CDH10: variants seen among roughly 807,000 people sequenced by gnomAD.
The protein encoded by CDH10 is cadherin 10.
A neutral mutation model predicts 73.1 loss-of-function variants in CDH10; 30 were observed. The ratio of observed to expected loss-of-function variants is 0.41; its 90% CI spans 0.31 to 0.56. CDH10 has a LOEUF of 0.56. CDH10 is among the 20% of genes least tolerant of loss of function. The pLI is 0.27. For synonymous variants in CDH10, 345 were observed against 348.2 expected (o/e 0.99, Z 0.10); for missense variants, 815 against 973.7 (o/e 0.84, Z 2.17).
intron 1 of CDH10, among the ~76,000 whole-genome samples, chr5:24,642,816 C>T (rs1007681063): frequency 1.3e-5 from 2 of 150,890 alleles, no homozygotes; most frequent in East Asian, 3.9e-4. Context: ...TGTTTTTTTT[C>T]CCCCAAACCT....
At chr5:24,524,501 T>C (rs1277717563) in intron 5 of CDH10, among the ~76,000 whole-genome samples, 1 of 152,098 alleles carries the variant, frequency 6.6e-6, no homozygotes, top group African/African-American at 2.4e-5. Context: ...CCTTATTTTT[T>C]TATCTTACAG....
At chr5:24,488,255 ACAGCTTAGACTTT>A in intron 11 of CDH10, 102 bp from the exon 12 acceptor site, 2 of 964,542 alleles carry the variant, frequency 2.1e-6, no homozygotes, top group Admixed American at 5.6e-5. Flanking sequence ...GCTTTCTATA[ACAGCTTAGACTTT>A]CAGATTAATT....
At chr5:24,612,674 G>T (rs1018250962) in intron 1 of CDH10, 1 of 152,116 alleles carries the variant, frequency 6.6e-6, no homozygotes, top group African/African-American at 2.4e-5. Flanking sequence ...AGTCAACTGA[G>T]AAAAGCTCTC....
chr5:24,586,839 T>C (rs1042807426), intron 2 of CDH10, among the ~76,000 whole-genome samples: 3 of 134,840 alleles, frequency 2.2e-5, no homozygotes, highest in African/African-American at 9.4e-5. Flanking sequence ...AGATAGCCCA[T>C]ATTCTTTTTT....
At chr5:24,599,795 T>G (rs750735206) in intron 1 of CDH10, among the ~76,000 whole-genome samples, 7 of 152,134 alleles carry the variant, frequency 4.6e-5, no homozygotes, top group Non-Finnish European at 8.8e-5. Flanking sequence ...ATTTGTGAGA[T>G]AGTCAAGGTT....
intron 2 of CDH10, among the ~76,000 whole-genome samples, chr5:24,543,106 A>G (rs1674785595): frequency 6.6e-6 from 1 of 152,194 alleles, no homozygotes; most frequent in Admixed American, 6.5e-5. Context: ...AACAGATAAA[A>G]TATTTTACTT....
At chr5:24,614,419 T>C (rs763804008) in intron 1 of CDH10, among the ~76,000 whole-genome samples, 102 of 152,302 alleles carry the variant, frequency 6.7e-4, no homozygotes, top group Non-Finnish European at 1.3e-3. Context: ...CCTGATCCAA[T>C]GTTACAGAAT....
chr5:24,521,743 G>A (rs1369606897), intron 5 of CDH10, among the ~76,000 whole-genome samples: 1 of 152,084 alleles, frequency 6.6e-6, no homozygotes, highest in East Asian at 1.9e-4. Flanking sequence ...CATAATCATT[G>A]AAGTTAAGAA....
chr5:24,597,327 C>T (rs188042459), intron 1 of CDH10, among the ~76,000 whole-genome samples: 59 of 152,208 alleles, frequency 3.9e-4, no homozygotes, highest in Admixed American at 2.7e-3. Context: ...CCAATGCAGG[C>T]GGACCATGTG....
chr5:24,587,139 C>T (rs1372350804), intron 2 of CDH10, among the ~76,000 whole-genome samples: 2 of 152,066 alleles, frequency 1.3e-5, no homozygotes, highest in African/African-American at 2.4e-5. Flanking sequence ...CCACCGCGCC[C>T]GGCCGCCCAT....
In CDH10 at chr5:24,638,019, C is replaced by T. The variant is rs192205607; in HGVS notation, c.-124+6575G>A. 9.0e-4 allele frequency among the ~76,000 whole-genome samples: 136 copies of T among 151,788 alleles called. 1 individual carries two copies. Among genetic ancestry groups the T allele is most frequent in the African/African-American group, 3.2e-3 (132 of 41,490 alleles). ...TTAAGTCAAGATTATGGTTGCCATT[C>T]ATCTATTTTCTCATCTCCACTGGGC... On this transcript the variant is annotated intron_variant, in intron 1 of 11. Coordinates refer to ENST00000264463, the MANE Select transcript of CDH10 (RefSeq NM_006727.5).
At chr5:24,564,901 A>C (rs963698276) in intron 2 of CDH10, among the ~76,000 whole-genome samples, 2 of 152,064 alleles carry the variant, frequency 1.3e-5, no homozygotes, top group African/African-American at 4.8e-5. Flanking sequence ...TGCCCTGCTC[A>C]TTCTGCTCTC....
chr5:24,560,855 T>C (rs759795018), intron 2 of CDH10, among the ~76,000 whole-genome samples: 9 of 152,138 alleles, frequency 5.9e-5, no homozygotes, highest in Non-Finnish European at 1.0e-4. Flanking sequence ...TCTGTGGTGT[T>C]TTACATATAT....
At chr5:24,548,530 T>C (rs961619754) in intron 2 of CDH10, among the ~76,000 whole-genome samples, 17 of 148,852 alleles carry the variant, frequency 1.1e-4, no homozygotes, top group African/African-American at 4.2e-4. Flanking sequence ...TTTAAGGCCT[T>C]CAACTGATTT....
rs1245693019 is a variant in CDH10 at position 24,626,577 on chromosome 5, A to G, written c.-124+18017T>C. On this transcript the variant is annotated intron_variant, in intron 1 of 11. Coordinates refer to ENST00000264463, the MANE Select transcript of CDH10 (RefSeq NM_006727.5). Reference sequence around the variant, plus strand: ...GGTTTGAGAAACACTATTTTATATCATAACTTTGATGTAGATTTCTAATAG... The same window carrying G: ...GGTTTGAGAAACACTATTTTATATCGTAACTTTGATGTAGATTTCTAATAG... Among the ~76,000 whole-genome samples, 4 of 152,194 alleles carry G rather than the reference A, an allele frequency of 2.6e-5. No homozygotes were observed. In the South Asian group the frequency reaches 6.2e-4, roughly 24 times the overall value.
At chr5:24,639,249 A>C (rs1265340595) in intron 1 of CDH10, among the ~76,000 whole-genome samples, 1 of 151,644 alleles carries the variant, frequency 6.6e-6, no homozygotes, top group East Asian at 1.9e-4. Context: ...AAGTCCCAGA[A>C]TTTACAATGG....
rs2111727339 is a variant in CDH10 at position 24,505,213 on chromosome 5, A to G, written c.1292T>C (p.Ile431Thr). 2.5e-6 allele frequency: 4 copies of G among 1,613,058 alleles called. No homozygotes were observed. Among genetic ancestry groups the G allele is most frequent in the Non-Finnish European group, 3.4e-6 (4 of 1,179,158 alleles). Residue 431 changes from isoleucine (I) to threonine (T), a missense_variant, in exon 8 of 12, where the codon ATC (isoleucine) becomes ACC (threonine). Around this residue, in one of 3 missense-constraint regions of CDH10, gnomAD observed 516 missense variants for 636.6 expected, o/e 0.81. Coordinates refer to ENST00000264463, the MANE Select transcript of CDH10 (RefSeq NM_006727.5). ...TCCATTTCCTGAATGAATGTTAAAG[A>G]TTCTGTCAAGGTCAGTATGGCGATC... ...SLDRHTDLDR[I>T]FNIHSGNGSL...
intron 2 of CDH10, among the ~76,000 whole-genome samples, chr5:24,553,346 A>G (rs1744620860): frequency 6.6e-6 from 1 of 152,102 alleles, no homozygotes; most frequent in African/African-American, 2.4e-5. Flanking sequence ...CTGCAGTCGC[A>G]TGCCATTCTC....
At chr5:24,529,016 C>A (rs185342343) in intron 5 of CDH10, among the ~76,000 whole-genome samples, 10 of 151,934 alleles carry the variant, frequency 6.6e-5, no homozygotes, top group African/African-American at 2.2e-4. Flanking sequence ...TTTGCACCAA[C>A]CTAATACATT....
Sources: allele counts gnomAD v4.1 joint callset (sites outside exome capture counted in the v4.1 genomes callset), GRCh38; gene constraint gnomAD v4.1.1; regional missense constraint gnomAD v4.1.1; transcripts MANE v1.5; gene names NCBI Gene and HGNC (gene_info 2026-07-23, HGNC 2026-07-21).